SFI1: variants seen among roughly 807,000 people sequenced by gnomAD.
SFI1 encodes protein SFI1 homolog.
In SFI1, 195 loss-of-function variants were observed where a neutral mutation model predicts 207.5. That is an observed-to-expected ratio of 0.94 (90% CI 0.84 to 1.06). SFI1 has a LOEUF of 1.06. SFI1 is among the 50% of genes least tolerant of loss of function. The pLI is 0.00. For missense variants in SFI1, 1,634 were observed against 1,588.0 expected, an observed-to-expected ratio of 1.03 and a Z score of -0.49; for synonymous variants, 630 against 598.9, an observed-to-expected ratio of 1.05 and a Z score of -0.76.
intron 11 of SFI1, 105 bp from the exon 12 acceptor site, chr22:31,580,167 G>A: frequency 1.3e-6 from 1 of 773,626 alleles, no homozygotes; most frequent in Admixed American, 2.5e-5. Flanking sequence ...CTGTGACCAA[G>A]CTTCTCCCCG....
At chr22:31,581,835 T>C (rs546249011) in intron 12 of SFI1, among the ~76,000 whole-genome samples, 38 of 152,146 alleles carry the variant, frequency 2.5e-4, no homozygotes, top group Non-Finnish European at 4.7e-4. Context: ...ATATTTGCTA[T>C]GTTTGCCTCA....
chr22:31,613,689 CT>C lies in SFI1; in HGVS notation c.2831del (p.Leu944ArgfsTer10). The C allele has an allele frequency of 6.2e-7, 1 of 1,611,720 alleles. No homozygotes were observed. The highest frequency in any genetic ancestry group is 8.5e-7 in the Non-Finnish European group (1 of 1,178,974). On this transcript the variant is annotated frameshift_variant, in exon 27 of 33. Transcript: ENST00000400288. LOFTEE classifies it high-confidence loss of function. ...GGGCCGGGGCGGGAAGCCTCAGCCCCTGGCAGCCATCGCACCCAGCAGGAAA... is the reference window on the plus strand; with the variant it reads ...GGGCCGGGGCGGGAAGCCTCAGCCCCGGCAGCCATCGCACCCAGCAGGAAA... ...VLGRGGKPQP[L>X]AAIAPSRKVT...
In SFI1 at chr22:31,611,272, A is replaced by G. The variant is rs2070074692; in HGVS notation, c.2384A>G (p.Lys795Arg). ...QLLLEGLARW[K>R]THHLQCVRKR... ...CTGCTGGAGGGGCTGGCCCGGTGGAAGACGCACCATCTGCAGTGTGTCAGG... is the reference window on the plus strand; with the variant it reads ...CTGCTGGAGGGGCTGGCCCGGTGGAGGACGCACCATCTGCAGTGTGTCAGG... The change falls in exon 23 of 33, where the codon AAG (lysine) becomes AGG (arginine). Residue 795 changes from lysine (K) to arginine (R), a missense_variant. Coordinates refer to ENST00000400288, the MANE Select transcript of SFI1 (RefSeq NM_001007467.3). 6.2e-7 allele frequency: 1 copy of G among 1,611,168 alleles called. No homozygotes were observed. Among genetic ancestry groups the G allele is most frequent in the African/African-American group, 1.3e-5 (1 of 74,866 alleles).
intron 5 of SFI1, among the ~76,000 whole-genome samples, chr22:31,547,992 A>T (rs2060252702): frequency 6.6e-6 from 1 of 151,094 alleles, no homozygotes; most frequent in Admixed American, 6.6e-5. Flanking sequence ...AGATGGGCGG[A>T]TCACGAGGTC....
intron 7 of SFI1, chr22:31,560,071 T>G (rs1240860018): frequency 3.7e-5 from 9 of 242,396 alleles, no homozygotes; most frequent in South Asian, 1.2e-4. Context: ...ATTCCCTGGA[T>G]GCATAAGAAG....
intron 29 of SFI1, chr22:31,616,231 G>C (rs1408101097): frequency 6.6e-6 from 1 of 152,638 alleles, no homozygotes; most frequent in Non-Finnish European, 1.5e-5. Context: ...CCTGTGGTGA[G>C]TTAGGCCATG....
In SFI1 at chr22:31,528,839, G is replaced by T; in HGVS notation, c.242G>T (p.Gly81Val). 1 of 1,613,882 alleles carries T rather than the reference G, an allele frequency of 6.2e-7. No individual in the cohort carries two copies. The highest frequency in any genetic ancestry group is 8.5e-7 in the Non-Finnish European group (1 of 1,179,884). Residue 81 changes from glycine to valine, a missense_variant, in exon 3 of 33, where the codon GGC becomes GTC. Physicochemically the swap from Gly to Val is moderately radical, Grantham distance 109. Transcript: ENST00000400288. The part of the protein sequence containing the change: ...YRGTHTCTRQ[G>V]RLRELRIRCV... ...GGCACACATACTTGTACCCGACAGGGCCGGTTAAGAGAACTGCGCATCAGG... is the reference window on the plus strand; with the variant it reads ...GGCACACATACTTGTACCCGACAGGTCCGGTTAAGAGAACTGCGCATCAGG...
At chr22:31,595,165 T>C (rs947315051) in intron 15 of SFI1, among the ~76,000 whole-genome samples, 1 of 151,638 alleles carries the variant, frequency 6.6e-6, no homozygotes, top group Non-Finnish European at 1.5e-5. Flanking sequence ...CCCGGCTAAT[T>C]TTTTGTATCT....
chr22:31,501,769 C>G (rs996200732), intron 1 of SFI1, among the ~76,000 whole-genome samples: 3 of 152,142 alleles, frequency 2.0e-5, no homozygotes, highest in African/African-American at 7.2e-5. Context: ...GTGTGGTACT[C>G]TCAACATTTT....
chr22:31,521,357 A>G (rs890661009), intron 2 of SFI1: 4 of 165,714 alleles, frequency 2.4e-5, no homozygotes, highest in African/African-American at 9.6e-5. Flanking sequence ...TTACCTTTAA[A>G]TCTTTTGGTG....
At chr22:31,542,322 G>T (rs2059623982) in intron 4 of SFI1, among the ~76,000 whole-genome samples, 1 of 151,692 alleles carries the variant, frequency 6.6e-6, no homozygotes, top group Admixed American at 6.6e-5. Flanking sequence ...TCCAACATAT[G>T]GGTGCTATAA....
At chr22:31,602,399 GC>G in intron 16 of SFI1, 106 bp downstream of exon 16, 1 of 1,202,658 alleles carries the variant, frequency 8.3e-7, no homozygotes, top group Non-Finnish European at 1.2e-6. Context: ...TCACTGGAGG[GC>G]CCCTGCCTGT....
chr22:31,595,347 C>T (rs1381608649), intron 15 of SFI1, among the ~76,000 whole-genome samples: 1 of 152,208 alleles, frequency 6.6e-6, no homozygotes, highest in Non-Finnish European at 1.5e-5. Context: ...CTGTGTTGGG[C>T]ATTGTGTGAT....
chr22:31,543,809 CAA>C (rs59076091), intron 4 of SFI1, among the ~76,000 whole-genome samples: 22 of 56,634 alleles, frequency 3.9e-4, no homozygotes, highest in South Asian at 5.8e-4. Flanking sequence ...GACTCCATCT[CAA>C]AAAAAAAAAA....
At position 31,573,255 on chromosome 22, in the gene SFI1, T is replaced by A. The variant is rs756149871; in HGVS notation, c.922+41T>A. Reference sequence around the variant, plus strand: ...CAGGCTCTCGAGATAGAGGATCTGGTCACAGTTTCACTCTCCTGCTGCCAG... The same window carrying A: ...CAGGCTCTCGAGATAGAGGATCTGGACACAGTTTCACTCTCCTGCTGCCAG... On this transcript the variant is annotated intron_variant, in intron 9 of 32. Coordinates refer to ENST00000400288, the MANE Select transcript of SFI1 (RefSeq NM_001007467.3). 6 of 1,600,900 alleles carry A rather than the reference T, an allele frequency of 3.7e-6. No homozygotes were observed. The South Asian group carries it at 6.6e-5, about 18-fold the overall frequency.
At chr22:31,606,693 CTTTTTTTTTTTT>C (rs10524692) in intron 21 of SFI1, 13 of 115,496 alleles carry the variant, frequency 1.1e-4, no homozygotes, top group South Asian at 3.0e-4. Flanking sequence ...TTCTTTTTTT[CTTTTTTTTTTTT>C]TTTTTTTTTT....
intron 4 of SFI1, among the ~76,000 whole-genome samples, chr22:31,545,085 G>C (rs577576706): frequency 1.3e-5 from 2 of 152,158 alleles, no homozygotes; most frequent in East Asian, 1.9e-4. Context: ...ATTTAGGGGG[G>C]GCTGGATGTG....
At chr22:31,539,797 C>T (rs2037434035) in intron 4 of SFI1, among the ~76,000 whole-genome samples, 1 of 151,922 alleles carries the variant, frequency 6.6e-6, no homozygotes, top group South Asian at 2.1e-4. Flanking sequence ...CCCACTGCAA[C>T]CTCTGCCTCC....
At position 31,533,574 on chromosome 22, in the gene SFI1, G is replaced by T. The variant is rs1343417709; in HGVS notation, c.338+2445G>T. On this transcript the variant is annotated intron_variant, in intron 4 of 32. Coordinates refer to ENST00000400288, the MANE Select transcript of SFI1 (RefSeq NM_001007467.3). ...TGTGGCCTTCAGCTTCAAAGAAAAA[G>T]AAACAAAAAAAAAAAGAAACAAGCA... Among the ~76,000 whole-genome samples, 5 of 75,504 alleles carry T rather than the reference G, an allele frequency of 6.6e-5. No individual in the cohort carries two copies. The East Asian group carries it at 1.5e-3, about 23-fold the overall frequency. 49.5% of individuals were successfully genotyped at this position (75,504 alleles called of 152,430 possible).
Sources: allele counts gnomAD v4.1 joint callset (sites outside exome capture counted in the v4.1 genomes callset), GRCh38; gene constraint gnomAD v4.1.1; transcripts MANE v1.5; gene names NCBI Gene and HGNC (gene_info 2026-07-23, HGNC 2026-07-21).